The following TEKTL1 variants were observed in gnomAD, a reference collection of about 807,000 sequenced individuals.
The protein encoded by TEKTL1 is tektin-like protein 1.
At chr19:15,013,541 T>G in the TEKTL1 span, 1 of 647,086 alleles carries the variant, frequency 1.5e-6, no homozygotes, top group Non-Finnish European at 2.6e-6. Context: ...ACCCAAAGGA[T>G]GAGAGTACCC....
the TEKTL1 span, chr19:15,020,479 G>A: frequency 3.7e-6 from 6 of 1,613,294 alleles, no homozygotes; most frequent in East Asian, 2.2e-5. Flanking sequence ...CTCCTGCCGA[G>A]ACACTCTGAA....
the TEKTL1 span, among the ~76,000 whole-genome samples, chr19:15,018,507 GAGACA>G: frequency 6.6e-6 from 1 of 151,228 alleles, no homozygotes; most frequent in Admixed American, 6.6e-5. Context: ...CCAGGAGTTT[GAGACA>G]AGCCTGGACA....
the TEKTL1 span, chr19:15,021,572 G>T: frequency 3.1e-6 from 5 of 1,613,118 alleles, no homozygotes; most frequent in Admixed American, 8.3e-5. Flanking sequence ...GAGGAGACGC[G>T]GACTGGGAGC....
the TEKTL1 span, among the ~76,000 whole-genome samples, chr19:15,018,408 G>A: frequency 6.6e-6 from 1 of 151,832 alleles, no homozygotes; most frequent in Non-Finnish European, 1.5e-5. Flanking sequence ...ATAAAAAAGT[G>A]ATTTTAAGAC....
chr19:15,015,862 TA>T, the TEKTL1 span, among the ~76,000 whole-genome samples: 1 of 152,148 alleles, frequency 6.6e-6, no homozygotes, highest in Admixed American at 6.5e-5. Context: ...TTTACTACAA[TA>T]AAAAGCCCAC....
the TEKTL1 span, chr19:15,010,934 G>A: frequency 3.2e-6 from 5 of 1,583,080 alleles, no homozygotes; most frequent in Non-Finnish European, 4.3e-6. Context: ...CATTCTGACC[G>A]ATCGCTGCGG....
the TEKTL1 span, chr19:15,021,865 CA>C: frequency 6.2e-7 from 1 of 1,613,948 alleles, no homozygotes; most frequent in Admixed American, 1.7e-5. Flanking sequence ...CCCTGGTTCG[CA>C]TGTACCAGAG....
At chr19:15,023,195 G>A in the TEKTL1 span, 1 of 1,342,768 alleles carries the variant, frequency 7.4e-7, no homozygotes, top group Non-Finnish European at 1.0e-6. Flanking sequence ...CAGCCCCATG[G>A]CCCTCCCTCT....
At chr19:15,010,766 T>C in the TEKTL1 span, 1 of 1,458,176 alleles carries the variant, frequency 6.9e-7, no homozygotes, top group South Asian at 1.4e-5. Context: ...TTGTGTGTCT[T>C]TGGGGTCCCT....
At chr19:15,011,012 GGCCGCGCC>G in the TEKTL1 span, 1 of 1,585,268 alleles carries the variant, frequency 6.3e-7, no homozygotes, top group Non-Finnish European at 8.6e-7. Flanking sequence ...CCACCACCTC[GGCCGCGCC>G]GCCTACATCC....
chr19:15,010,829 C>G, the TEKTL1 span: 1 of 1,535,068 alleles, frequency 6.5e-7, no homozygotes, highest in Non-Finnish European at 8.8e-7. Flanking sequence ...AGGGACCATG[C>G]GCGTGTTGGT....
At chr19:15,021,372 C>T in the TEKTL1 span, 1 of 1,614,198 alleles carries the variant, frequency 6.2e-7, no homozygotes, top group South Asian at 1.1e-5. Context: ...TGGCGCTAAA[C>T]GAAGCCAAGC....
the TEKTL1 span, chr19:15,022,046 C>G: frequency 3.4e-5 from 25 of 738,382 alleles, no homozygotes; most frequent in East Asian, 6.7e-4. Context: ...ACTCCTGCCA[C>G]GAAGTGGGGA....
chr19:15,018,254 T>C, the TEKTL1 span, among the ~76,000 whole-genome samples: 121,287 of 151,936 alleles, frequency 0.8, 48,989 homozygotes, highest in East Asian at 0.86. Context: ...CTCATGAGGC[T>C]GAAGCAGGAG....
At chr19:15,012,722 T>G in the TEKTL1 span, among the ~76,000 whole-genome samples, 2 of 151,874 alleles carry the variant, frequency 1.3e-5, no homozygotes, top group Non-Finnish European at 2.9e-5. Flanking sequence ...GTGCAGCCCC[T>G]GATTCAGACT....
the TEKTL1 span, chr19:15,020,586 C>G: frequency 1.2e-6 from 2 of 1,614,154 alleles, no homozygotes; most frequent in Middle Eastern, 1.7e-4. Flanking sequence ...GGGTGAACCT[C>G]TCCCGAGCCC....
the TEKTL1 span, chr19:15,010,756 TTG>T: frequency 7.0e-7 from 1 of 1,432,256 alleles, no homozygotes; most frequent in Non-Finnish European, 9.2e-7. Flanking sequence ...CAGGAAAGAG[TTG>T]TGTGTCTTTG....
At chr19:15,021,995 C>G in the TEKTL1 span, 1 of 1,141,664 alleles carries the variant, frequency 8.8e-7, no homozygotes, top group South Asian at 1.4e-5. Context: ...ACATCTGGAC[C>G]AGGTATGATC....
chr19:15,012,408 T>TA, the TEKTL1 span, among the ~76,000 whole-genome samples: 9 of 151,394 alleles, frequency 5.9e-5, no homozygotes, highest in South Asian at 1.7e-3. Flanking sequence ...CACCAAAGTT[T>TA]AAAAAAAATA....
Sources: allele counts gnomAD v4.1 joint callset (sites outside exome capture counted in the v4.1 genomes callset), GRCh38; gene constraint gnomAD v4.1.1; transcripts MANE v1.5; gene names NCBI Gene and HGNC (gene_info 2026-07-23, HGNC 2026-07-21).